The following TENM2 variants were observed in gnomAD, a reference collection of about 807,000 sequenced individuals.
The protein encoded by TENM2 is teneurin-2.
Under a neutral mutation model 245.2 loss-of-function variants are expected in TENM2, and 52 were observed. The observed-to-expected ratio is 0.21, with a 90% CI of 0.17 to 0.27. The LOEUF is 0.27. Ranked by LOEUF, TENM2 falls within the 10% of genes least tolerant of loss-of-function variation. The pLI, the probability that TENM2 is intolerant of heterozygous loss-of-function variation, is 1.00. For synonymous variants in TENM2, 1,363 were observed against 1,438.9 expected, an observed-to-expected ratio of 0.95 and a Z score of 1.19; for missense variants, 3,046 against 3,666.8, an observed-to-expected ratio of 0.83 and a Z score of 4.37.
intron 2 of TENM2, among the ~76,000 whole-genome samples, chr5:167,545,356 T>C (rs1772486822): frequency 1.3e-5 from 2 of 152,158 alleles, no homozygotes; most frequent in Non-Finnish European, 2.9e-5. Context: ...TTGGTGGTCT[T>C]CTAAAATGGC....
the TENM2 span, among the ~76,000 whole-genome samples, chr5:167,162,760 A>G: frequency 1.3e-5 from 2 of 152,188 alleles, no homozygotes; most frequent in African/African-American, 4.8e-5. Context: ...CTCATGACCA[A>G]TCCTACCAGA....
chr5:167,383,399 C>T (rs1441399045), intron 2 of TENM2, among the ~76,000 whole-genome samples: 1 of 152,048 alleles, frequency 6.6e-6, no homozygotes, highest in Admixed American at 6.6e-5. Flanking sequence ...TGCTGTCTCA[C>T]CCATGTAAGT....
At chr5:167,477,472 A>G (rs1767470444) in intron 2 of TENM2, among the ~76,000 whole-genome samples, 1 of 152,168 alleles carries the variant, frequency 6.6e-6, no homozygotes, top group Non-Finnish European at 1.5e-5. Context: ...TTGAGGAACC[A>G]TTAACAGAGG....
At chr5:168,235,547 C>A (rs1765353608) in intron 25 of TENM2, among the ~76,000 whole-genome samples, 1 of 152,208 alleles carries the variant, frequency 6.6e-6, no homozygotes, top group African/African-American at 2.4e-5. Flanking sequence ...TGGGCACAGC[C>A]TGTAATCCCA....
chr5:167,989,268 A>AAGAGAGAGAG (rs10617322), intron 4 of TENM2, among the ~76,000 whole-genome samples: 97 of 145,016 alleles, frequency 6.7e-4, no homozygotes, highest in Admixed American at 1.9e-3. Context: ...AAGATAGAGA[A>AAGAGAGAGAG]AGAGAGAGAG....
chr5:168,220,110 T>C (rs927502476), intron 23 of TENM2, among the ~76,000 whole-genome samples: 15 of 152,152 alleles, frequency 9.9e-5, no homozygotes, highest in African/African-American at 2.7e-4. Flanking sequence ...GTAGTTTTGA[T>C]CAAACTTTAC....
chr5:167,977,040 T>C (rs1782492565), intron 4 of TENM2, among the ~76,000 whole-genome samples: 1 of 152,166 alleles, frequency 6.6e-6, no homozygotes, highest in Non-Finnish European at 1.5e-5. Flanking sequence ...CTAGAGACCA[T>C]TATCCTTAGC....
the TENM2 span, among the ~76,000 whole-genome samples, chr5:167,265,402 T>C: frequency 5.5e-3 from 817 of 148,538 alleles, 14 homozygotes; most frequent in Non-Finnish European, 4.1e-3. Flanking sequence ...GCTCGATGAA[T>C]GCTAGAATAT....
intron 5 of TENM2, among the ~76,000 whole-genome samples, chr5:167,997,723 G>A (rs568674494): frequency 6.9e-4 from 105 of 152,180 alleles, no homozygotes; most frequent in African/African-American, 2.3e-3. Context: ...AAAAATTTCA[G>A]CCATTAGAAT....
At chr5:167,127,794 A>G in the TENM2 span, among the ~76,000 whole-genome samples, 8 of 152,254 alleles carry the variant, frequency 5.3e-5, no homozygotes, top group African/African-American at 1.9e-4. Context: ...TCAACAAAGC[A>G]ATGAAATATC....
At chr5:167,796,805 A>G (rs898083750) in intron 2 of TENM2, among the ~76,000 whole-genome samples, 4 of 152,144 alleles carry the variant, frequency 2.6e-5, no homozygotes, top group Non-Finnish European at 5.9e-5. Flanking sequence ...TGCTGTTAAC[A>G]TGGGCTGTCC....
intron 5 of TENM2, among the ~76,000 whole-genome samples, chr5:167,996,832 G>A (rs1015091252): frequency 1.3e-5 from 2 of 151,926 alleles, no homozygotes; most frequent in East Asian, 1.9e-4. Context: ...TCTGCCTCCC[G>A]GGTTCAAGTG....
In TENM2 at chr5:167,822,278, C is replaced by T. The variant is rs151123710; in HGVS notation, c.503-53708C>T. ...GAGGGGTTGTCAATAAGCTGGTCTC[C>T]GTAGGACTGAGTTTAAACCTGTTTT... On this transcript the variant is annotated intron_variant, in intron 2 of 28. Coordinates refer to ENST00000518659, the Ensembl canonical transcript of TENM2. 8.2e-4 allele frequency among the ~76,000 whole-genome samples: 125 copies of T among 152,142 alleles called. 2 individuals carry two copies. In the East Asian group the frequency reaches 0.018, roughly 22 times the overall value.
At chr5:167,619,664 G>C (rs1325610788) in intron 2 of TENM2, among the ~76,000 whole-genome samples, 1 of 152,174 alleles carries the variant, frequency 6.6e-6, no homozygotes, top group Non-Finnish European at 1.5e-5. Flanking sequence ...CTTAGACCTA[G>C]TAAAAGCACT....
chr5:167,720,914 C>G (rs1322047014), intron 2 of TENM2, among the ~76,000 whole-genome samples: 2 of 152,158 alleles, frequency 1.3e-5, no homozygotes, highest in Non-Finnish European at 2.9e-5. Flanking sequence ...GAACTCTATG[C>G]AGAAGACGAA....
In TENM2 at chr5:168,204,733, G is replaced by A. The variant is rs1762219031; in HGVS notation, c.3824+112G>A. ...ATTCTCCAGAGAAGATATAGTCCTT[G>A]TGATCCAAAACCTAGGCCCAGAATC... On this transcript the variant is annotated intron_variant, in intron 19 of 28. Coordinates refer to ENST00000518659, the Ensembl canonical transcript of TENM2. The A allele has an allele frequency of 4.3e-6, 6 of 1,379,956 alleles. 1 individual carries two copies. The South Asian group carries it at 5.9e-5, about 14-fold the overall frequency. 85.5% of individuals were successfully genotyped at this position (1,379,956 alleles called of 1,614,324 possible). A position where few individuals can be genotyped will look rare whatever the true frequency, so the allele number is the denominator to read the frequency against.
At chr5:167,889,898 A>G (rs1673976045) in intron 3 of TENM2, among the ~76,000 whole-genome samples, 1 of 152,142 alleles carries the variant, frequency 6.6e-6, no homozygotes, top group African/African-American at 2.4e-5. Flanking sequence ...CAGGGAGGGG[A>G]AAAAGTCATA....
At chr5:167,018,602 C>G in the TENM2 span, among the ~76,000 whole-genome samples, 19 of 152,140 alleles carry the variant, frequency 1.2e-4, no homozygotes, top group African/African-American at 4.3e-4. Flanking sequence ...TATCCACATG[C>G]GAGAAAATCA....
At chr5:167,165,586 G>T in the TENM2 span, among the ~76,000 whole-genome samples, 1 of 152,054 alleles carries the variant, frequency 6.6e-6, no homozygotes, top group Non-Finnish European at 1.5e-5. Context: ...ATTAAAGATA[G>T]GTTTGGTGAA....
Sources: gnomAD v4.1 joint callset for allele counts (sites outside exome capture counted in the v4.1 genomes callset) on GRCh38, gnomAD v4.1.1 for gene constraint, MANE v1.5 for transcripts, NCBI Gene and HGNC (gene_info 2026-07-23, HGNC 2026-07-21) for gene names.